PDLIM2: variants seen among roughly 807,000 people sequenced by gnomAD.
PDLIM2 encodes PDZ and LIM domain protein 2.
In PDLIM2, 51 loss-of-function variants were observed where a neutral mutation model predicts 54.1. The ratio of observed to expected loss-of-function variants is 0.94; its 90% CI spans 0.75 to 1.19. The LOEUF (loss-of-function observed/expected upper bound fraction) is 1.19, where lower values mean the gene tolerates loss of function less well. PDLIM2 is among the 50% of genes most tolerant of loss of function. The pLI is 0.00. For missense variants in PDLIM2, 912 were observed against 874.0 expected, an observed-to-expected ratio of 1.04 and a Z score of -0.55; for synonymous variants, 398 against 385.6, an observed-to-expected ratio of 1.03 and a Z score of -0.38.
chr8:22,594,117 C>A, exon 10 of PDLIM2: 2 of 1,427,362 alleles, frequency 1.4e-6, no homozygotes, highest in South Asian at 1.5e-5. Context: ...CTCTCCCCTG[C>A]AGGACTGGCA....
chr8:22,579,189 C>T, exon 1 of PDLIM2: 1 of 1,383,768 alleles, frequency 7.2e-7, no homozygotes, highest in Non-Finnish European at 9.3e-7. Context: ...CCCTCCCGGG[C>T]CTGGGCGCCC....
chr8:22,580,411 G>A (rs1442178553), intron 1 of PDLIM2, 64 bp from the exon 1 acceptor site: 4 of 1,355,958 alleles, frequency 2.9e-6, no homozygotes, highest in African/African-American at 2.9e-5. Flanking sequence ...GGCTTCCCAG[G>A]GTGGGGGGAA....
chr8:22,590,378 C>A (rs186340103), intron 8 of PDLIM2: 1 of 153,334 alleles, frequency 6.5e-6, no homozygotes, highest in African/African-American at 2.4e-5. Context: ...CTGTGCCCAT[C>A]TGAGGGACCA....
downstream of PDLIM2, chr8:22,595,387 G>C (rs188882512): frequency 6.6e-6 from 1 of 152,362 alleles, no homozygotes; most frequent in African/African-American, 2.4e-5. Context: ...TAGTCTCTTT[G>C]GCGCCACCTA....
chr8:22,594,719 A>C (rs1239000735), downstream of PDLIM2: 1 of 1,535,730 alleles, frequency 6.5e-7, no homozygotes, highest in African/African-American at 1.4e-5. Flanking sequence ...TGATCTACCG[A>C]CACCTTCCAC....
chr8:22,579,529 T>G lies in PDLIM2; in HGVS notation c.748+2T>G. 6.8e-7 allele frequency: 1 copy of G among 1,471,720 alleles called. No homozygotes were observed. 91.2% of individuals were successfully genotyped at this position (1,471,720 alleles called of 1,614,324 possible). A position where few individuals can be genotyped will look rare whatever the true frequency, so the allele number is the denominator to read the frequency against. ...CGGAGTCCACTGACCGGCTCAAAGG[T>G]CTGGGAATCTCGGGGCGGCCGCGAG... On this transcript the variant is annotated splice_donor_variant, in intron 1 of 9. Transcript: ENST00000308354. LOFTEE classifies it high-confidence loss of function.
At chr8:22,587,323 A>G (rs955384909) in intron 6 of PDLIM2, among the ~76,000 whole-genome samples, 3 of 152,126 alleles carry the variant, frequency 2.0e-5, no homozygotes, top group Non-Finnish European at 4.4e-5. Context: ...GCTTGAGCCC[A>G]GGAGTCCAGA....
rs915173951 is a variant in PDLIM2, at chr8:22,589,451, G to C, written c.1367+77G>C. On this transcript the variant is annotated intron_variant, in intron 7 of 9. Transcript: ENST00000308354. ...GCAGGAGGGAGACGGGCTTCCCCGA[G>C]AGGGATGGGGTCCCCCAAGCCCAGT... 7 of 1,530,260 alleles carry C rather than the reference G, an allele frequency of 4.6e-6. No homozygotes were observed. In the East Asian group the frequency reaches 1.7e-4, roughly 38 times the overall value. The allele number at this position is 1,530,260 out of a possible 1,614,324, so 94.8% of individuals were successfully genotyped here.
chr8:22,584,674 C>T, intron 3 of PDLIM2, 147 bp from the exon 3 acceptor site: 1 of 682,378 alleles, frequency 1.5e-6, no homozygotes. Context: ...TTGAGTTTGA[C>T]AAAGTTAAAA....
exon 5 of PDLIM2, chr8:22,585,158 C>G: frequency 6.2e-7 from 1 of 1,613,252 alleles, no homozygotes; most frequent in Non-Finnish European, 8.5e-7. Context: ...AGCCATCAGC[C>G]GCAGGTGAGT....
exon 3 of PDLIM2, chr8:22,581,468 G>A: frequency 6.2e-7 from 1 of 1,606,040 alleles, no homozygotes; most frequent in Non-Finnish European, 8.5e-7. Flanking sequence ...AGGGCATGCT[G>A]CATGCCGAGG....
At chr8:22,581,875 C>A (rs1219158408) in intron 3 of PDLIM2, among the ~76,000 whole-genome samples, 1 of 152,250 alleles carries the variant, frequency 6.6e-6, no homozygotes, top group Non-Finnish European at 1.5e-5. Flanking sequence ...AAGAGGGGAA[C>A]CTTCTGGGAA....
chr8:22,580,465 A>C lies in PDLIM2; in HGVS notation c.749-138A>C. On this transcript the variant is annotated intron_variant, in intron 1 of 9. Coordinates refer to ENST00000308354, the Ensembl canonical transcript of PDLIM2. ...AGGGAGTTAGCCACTTCCTCTACCCACCCCAAAGCCCCTGAGTAGCTGCTC... is the reference window on the plus strand; with the variant it reads ...AGGGAGTTAGCCACTTCCTCTACCCCCCCCAAAGCCCCTGAGTAGCTGCTC... 3 of 1,525,176 alleles carry C rather than the reference A, an allele frequency of 2.0e-6. No homozygotes were observed. The highest frequency in any genetic ancestry group is 2.6e-6 in the Non-Finnish European group (3 of 1,137,768). 94.5% of individuals were successfully genotyped at this position (1,525,176 alleles called of 1,614,324 possible). A position where few individuals can be genotyped will look rare whatever the true frequency, so the allele number is the denominator to read the frequency against.
exon 10 of PDLIM2, chr8:22,594,248 A>G: frequency 1.4e-6 from 2 of 1,392,296 alleles, no homozygotes; most frequent in Non-Finnish European, 1.9e-6. Flanking sequence ...GTCACTGTGT[A>G]AAGTTTTTGA....
At chr8:22,589,514 C>T (rs1012338719) in intron 7 of PDLIM2, 82 bp from the exon 7 acceptor site, 27 of 1,501,910 alleles carry the variant, frequency 1.8e-5, no homozygotes, top group Middle Eastern at 3.7e-4. Flanking sequence ...CCCTCCCCCA[C>T]GCTCTTCTCC....
At chr8:22,584,154 A>T (rs1586921618) in intron 3 of PDLIM2, among the ~76,000 whole-genome samples, 1 of 149,314 alleles carries the variant, frequency 6.7e-6, no homozygotes. Flanking sequence ...GGCATGCGTC[A>T]CTATGGCTTG....
intron 6 of PDLIM2, chr8:22,588,063 T>C (rs1800429816): frequency 6.6e-6 from 1 of 152,276 alleles, no homozygotes; most frequent in South Asian, 2.1e-4. Context: ...CTGCGGAAAC[T>C]ATCTCTAGGT....
At chr8:22,590,096 T>G in intron 8 of PDLIM2, 1 of 281,046 alleles carries the variant, frequency 3.6e-6, no homozygotes, top group Non-Finnish European at 6.9e-6. Context: ...AGAAAAAACA[T>G]CAAGACTTAA....
intron 6 of PDLIM2, chr8:22,588,749 C>A: frequency 6.1e-6 from 1 of 164,776 alleles, no homozygotes; most frequent in Non-Finnish European, 1.3e-5. Context: ...TAGGGACAGG[C>A]TGGTTAGCCC....
Sources: allele counts gnomAD v4.1 joint callset (sites outside exome capture counted in the v4.1 genomes callset), GRCh38; gene constraint gnomAD v4.1.1; transcripts MANE v1.5; gene names NCBI Gene and HGNC (gene_info 2026-07-23, HGNC 2026-07-21).